The following CNOT10 variants were observed in gnomAD, a reference collection of about 807,000 sequenced individuals.
CNOT10 encodes CCR4-NOT transcription complex, subunit 10.
A neutral mutation model predicts 94.6 loss-of-function variants in CNOT10; 30 were observed. The ratio of observed to expected loss-of-function variants is 0.32; its 90% CI spans 0.24 to 0.43. The LOEUF is 0.43. Ranked by LOEUF, CNOT10 falls within the 20% of genes least tolerant of loss-of-function variation. The pLI, the probability that CNOT10 is intolerant of heterozygous loss-of-function variation, is 1.00. For missense variants in CNOT10, 759 were observed against 877.2 expected (o/e 0.87, Z 1.70); for synonymous variants, 289 against 301.6 (o/e 0.96, Z 0.43).
chr3:32,764,969 T>G, intron 17 of CNOT10, 160 bp downstream of exon 17: 1 of 1,516,864 alleles, frequency 6.6e-7, no homozygotes, highest in South Asian at 1.2e-5. Flanking sequence ...AAACAACTAA[T>G]CAGCATTGTA....
At chr3:32,719,228 A>G (rs6794632) in intron 7 of CNOT10, among the ~76,000 whole-genome samples, 9,309 of 151,188 alleles carry the variant, frequency 0.062, 322 homozygotes, top group African/African-American at 0.091. Context: ...TAGCCTGGGC[A>G]ACGGAGCGAG....
intron 13 of CNOT10, among the ~76,000 whole-genome samples, chr3:32,756,624 C>T (rs187299078): frequency 6.6e-6 from 1 of 152,286 alleles, no homozygotes; most frequent in Non-Finnish European, 1.5e-5. Context: ...AAGTGACCTA[C>T]CAACAGGAAA....
At chr3:32,755,725 G>C (rs1700198842) in intron 13 of CNOT10, among the ~76,000 whole-genome samples, 1 of 150,406 alleles carries the variant, frequency 6.6e-6, no homozygotes, top group Admixed American at 6.6e-5. Context: ...CTTGGTGCTT[G>C]AAGAAAATGT....
intron 5 of CNOT10, among the ~76,000 whole-genome samples, chr3:32,715,213 A>G (rs1418738292): frequency 1.3e-5 from 2 of 152,196 alleles, no homozygotes; most frequent in Non-Finnish European, 1.5e-5. Context: ...AAATTGGGCA[A>G]CATCTGGTCA....
intron 4 of CNOT10, among the ~76,000 whole-genome samples, chr3:32,709,976 G>A (rs1348326026): frequency 4.0e-5 from 6 of 151,770 alleles, no homozygotes; most frequent in Admixed American, 1.3e-4. Flanking sequence ...GGGAAACCCC[G>A]TCTCTACTAA....
chr3:32,763,912 C>G (rs1700552166), intron 15 of CNOT10, among the ~76,000 whole-genome samples: 1 of 152,140 alleles, frequency 6.6e-6, no homozygotes, highest in Non-Finnish European at 1.5e-5. Context: ...GGGTGGATCA[C>G]CTAAGGTCAG....
intron 13 of CNOT10, chr3:32,753,092 G>A: frequency 1.9e-6 from 1 of 533,982 alleles, no homozygotes; most frequent in East Asian, 4.7e-5. Context: ...TAATTACTGT[G>A]TTGCTGTTGC....
At position 32,773,723 on chromosome 3, in the gene CNOT10, C is replaced by A; in HGVS notation, c.*112C>A. 2 of 1,142,062 alleles carry A rather than the reference C, an allele frequency of 1.8e-6. No individual in the cohort carries two copies. The highest frequency in any genetic ancestry group is 2.4e-6 in the Non-Finnish European group (2 of 833,260). The allele number at this position is 1,142,062 out of a possible 1,614,324, so 70.7% of individuals were successfully genotyped here. On this transcript the variant is annotated 3_prime_UTR_variant, in exon 19 of 19. Transcript: ENST00000328834. ...ATGGTGAAGGCTGTTAATTTTGAGT[C>A]AATTCTACCCCTGACATTTGGCCAA...
At chr3:32,737,269 C>T (rs1403925442) in intron 12 of CNOT10, 141 bp from the exon 13 acceptor site, 17 of 565,428 alleles carry the variant, frequency 3.0e-5, no homozygotes, top group African/African-American at 3.8e-5. Flanking sequence ...GAGTTGAGAT[C>T]GTGCAATTGC....
Position 32,720,034 on chromosome 3 carries a change from G to A in CNOT10, c.745-80G>A, listed in dbSNP as rs563079246. On this transcript the variant is annotated intron_variant, in intron 7 of 18. Coordinates refer to ENST00000328834, the MANE Select transcript of CNOT10 (RefSeq NM_015442.3). ...TTGATTCATTTATGGTTTTGAACAC[G>A]TCAGTACAACAGTATAATTAAGATC... 5.9e-4 allele frequency: 363 copies of A among 612,502 alleles called. 2 individuals are homozygous for A. The highest frequency in any genetic ancestry group is 5.9e-3 in the African/African-American group (325 of 54,946). 37.9% of individuals were successfully genotyped at this position (612,502 alleles called of 1,614,324 possible).
chr3:32,773,575 C>A lies in CNOT10; in HGVS notation c.2199C>A (p.Ile733=). 6.2e-7 allele frequency: 1 copy of A among 1,614,030 alleles called. No individual in the cohort carries two copies. Among genetic ancestry groups the A allele is most frequent in the African/African-American group, 1.3e-5 (1 of 75,042 alleles). The stretch of plus-strand genomic sequence containing the variant: ...AGCCTGTCCACCCGATCCAGCCCAT[C>A]CAAATGCCGGCTTTCACCACTGTGC... ...VFQPVHPIQP[I]QMPAFTTVQR... is the part of the protein sequence containing the mutation. Residue 733 remains isoleucine (I), a synonymous_variant, in exon 19 of 19, where the codon ATC becomes ATA. Transcript: ENST00000328834.
intron 4 of CNOT10, among the ~76,000 whole-genome samples, chr3:32,709,985 A>G (rs762942550): frequency 4.3e-4 from 65 of 152,146 alleles, no homozygotes; most frequent in African/African-American, 1.4e-3. Flanking sequence ...CGTCTCTACT[A>G]AAAATACAAA....
chr3:32,770,901 A>G (rs62251891), intron 18 of CNOT10, among the ~76,000 whole-genome samples: 13,096 of 151,534 alleles, frequency 0.086, 680 homozygotes, highest in Middle Eastern at 0.19. Context: ...TTTAGTAGAG[A>G]CCGGGTTCAC....
intron 8 of CNOT10, among the ~76,000 whole-genome samples, chr3:32,722,726 T>C (rs1275260926): frequency 6.6e-6 from 1 of 150,840 alleles, no homozygotes; most frequent in Non-Finnish European, 1.5e-5. Flanking sequence ...ACACCTATAA[T>C]CAATCCCAGC....
chr3:32,761,781 C>T (rs1416642014), intron 14 of CNOT10, among the ~76,000 whole-genome samples: 2 of 146,408 alleles, frequency 1.4e-5, no homozygotes, highest in Admixed American at 6.9e-5. Flanking sequence ...TGAGCCACCG[C>T]ACCTGGCTAC....
In CNOT10 at chr3:32,759,478, G is replaced by C. The variant is rs200291134; in HGVS notation, c.1616G>C (p.Ser539Thr). Residue 539 changes from serine to threonine, a missense_variant, in exon 14 of 19, where the codon AGT (serine) becomes ACT (threonine). This residue lies in a region of CNOT10 where 682 missense variants were observed against 799.4 expected (regional missense o/e 0.85). Coordinates refer to ENST00000328834, the MANE Select transcript of CNOT10 (RefSeq NM_015442.3). ...ENLKCSILAC[S>T]AYVALALGDN... ...TATAGGTGCTCCATACTTGCTTGCA[G>C]TGCCTACGTGGCTCTGGCTTTGGGT... The C allele has an allele frequency of 1.9e-6, 3 of 1,613,698 alleles. No individual in the cohort carries two copies. The highest frequency in any genetic ancestry group is 2.5e-6 in the Non-Finnish European group (3 of 1,179,784).
intron 8 of CNOT10, 29 bp downstream of exon 8, chr3:32,720,260 T>C: frequency 8.1e-7 from 1 of 1,241,796 alleles, no homozygotes; most frequent in Non-Finnish European, 1.2e-6. Flanking sequence ...ATTTTAACTT[T>C]TTTTTGCCTT....
chr3:32,731,350 C>G (rs540914258), intron 10 of CNOT10, among the ~76,000 whole-genome samples: 1 of 152,244 alleles, frequency 6.6e-6, no homozygotes, highest in South Asian at 2.1e-4. Context: ...AGACTTTTTG[C>G]AGGGCAGAGA....
intron 3 of CNOT10, among the ~76,000 whole-genome samples, chr3:32,705,725 T>C (rs549008717): frequency 6.6e-6 from 1 of 152,320 alleles, no homozygotes; most frequent in Non-Finnish European, 1.5e-5. Context: ...TAATTTTAGT[T>C]ACTGCTTCAT....
Sources: gnomAD v4.1 joint callset for allele counts (sites outside exome capture counted in the v4.1 genomes callset) on GRCh38, gnomAD v4.1.1 for gene constraint, gnomAD v4.1.1 regional missense constraint, MANE v1.5 for transcripts, NCBI Gene and HGNC (gene_info 2026-07-23, HGNC 2026-07-21) for gene names.